PEX5: variants seen among roughly 807,000 people sequenced by gnomAD.
PEX5 encodes the protein PTS1 receptor.
PEX5 carries 52 observed loss-of-function variants against 82.9 expected under a neutral mutation model. The observed-to-expected ratio is 0.63, with a 90% CI of 0.50 to 0.79. The LOEUF (loss-of-function observed/expected upper bound fraction) is 0.79, where lower values mean the gene tolerates loss of function less well. Ranked by LOEUF, PEX5 falls within the 30% of genes least tolerant of loss-of-function variation. The probability of loss-of-function intolerance (pLI) is 0.00; values close to 1 mark genes in which losing one functional copy is unlikely to be tolerated. For missense variants in PEX5, 719 were observed against 815.2 expected (o/e 0.88, Z 1.44); for synonymous variants, 300 against 318.8 (o/e 0.94, Z 0.63).
chr12:7,218,231 A>G (rs1945834720), intron 17 of PEX5, among the ~76,000 whole-genome samples: 1 of 152,190 alleles, frequency 6.6e-6, no homozygotes, highest in Non-Finnish European at 1.5e-5. Context: ...ATAGATGCTT[A>G]ATGGTCTTTC....
chr12:7,208,723 G>C (rs1365093738), intron 13 of PEX5, 54 bp downstream of exon 13: 1 of 1,466,170 alleles, frequency 6.8e-7, no homozygotes, highest in Non-Finnish European at 9.6e-7. Flanking sequence ...AGTCCCAGTA[G>C]GAGGGTGACC....
Position 7,202,270 on chromosome 12 carries a change from A to G in PEX5, c.672A>G (p.Glu224=). The G allele has an allele frequency of 6.2e-7, 1 of 1,614,042 alleles. No individual in the cohort carries two copies. Among genetic ancestry groups the G allele is most frequent in the Middle Eastern group, 1.6e-4 (1 of 6,062 alleles). Residue 224 remains glutamate, a synonymous_variant, in exon 8 of 16, where the codon GAA becomes GAG. Transcript: ENST00000675855. Reference sequence around the variant, plus strand: ...TGAAATTCGTGCGGCAGATTGGCGAAGGGCAGGTGTCCCTGGAGTCCGGTG... The same window carrying G: ...TGAAATTCGTGCGGCAGATTGGCGAGGGGCAGGTGTCCCTGGAGTCCGGTG... The part of the protein sequence containing the change: ...EFLKFVRQIG[E]GQVSLESGAG...
upstream of PEX5, chr12:7,189,102 C>T (rs1940420936): frequency 2.6e-5 from 4 of 152,102 alleles, no homozygotes; most frequent in Admixed American, 2.0e-4. Context: ...CTATTTTCCC[C>T]ATTATGCAGA....
Position 7,189,729 on chromosome 12 carries a change from T to G in PEX5, c.-38T>G. ...AGCCAGCACCTGGTGCCCCGGCGGG[T>G]CGTGCGGCGCGGCGCTCCGCGGTGA... On this transcript the variant is annotated 5_prime_UTR_variant, in exon 1 of 16. Transcript: ENST00000675855. 1.4e-5 allele frequency: 5 copies of G among 362,076 alleles called. No homozygotes were observed. Among genetic ancestry groups the G allele is most frequent in the African/African-American group, 2.2e-5 (1 of 46,096 alleles). 22.4% of individuals were successfully genotyped at this position (362,076 alleles called of 1,614,324 possible). A position where few individuals can be genotyped will look rare whatever the true frequency, so the allele number is the denominator to read the frequency against.
rs267608194 is a variant in PEX5, at chr12:7,202,684, C to G, written c.826C>G (p.Arg276Gly). The part of the protein sequence containing the change: ...NTSALDMEFE[R>G]AKSAIESDVD... ...ATCTGCCCTTGATATGGAGTTTGAA[C>G]GAGCCAAGTCAGCTATAGAGGTGAG... The change falls in exon 9 of 16, where the codon CGA becomes GGA. Residue 276 changes from arginine to glycine, a missense_variant. Physicochemically the swap from Arg to Gly is moderately radical, Grantham distance 125 (BLOSUM62 -2). Transcript: ENST00000675855. The G allele has an allele frequency of 6.2e-7, 1 of 1,613,538 alleles. No individual in the cohort carries two copies. Among genetic ancestry groups the G allele is most frequent in the Non-Finnish European group, 8.5e-7 (1 of 1,179,668 alleles).
intron 11 of PEX5, 78 bp downstream of exon 11, chr12:7,207,880 A>G (rs1945012991): frequency 5.7e-6 from 9 of 1,566,558 alleles, no homozygotes; most frequent in Admixed American, 5.0e-5. Context: ...AGAGTAGTGC[A>G]GATGGGTTAG....
intron 5 of PEX5, among the ~76,000 whole-genome samples, chr12:7,192,054 T>C (rs1941241947): frequency 6.6e-6 from 1 of 152,164 alleles, no homozygotes; most frequent in Admixed American, 6.5e-5. Flanking sequence ...CTTAAGTTAT[T>C]TGGAACAGAA....
At chr12:7,199,968 C>CG (rs1485291214) in intron 6 of PEX5, among the ~76,000 whole-genome samples, 3 of 112,626 alleles carry the variant, frequency 2.7e-5, no homozygotes, top group Admixed American at 9.0e-5. Flanking sequence ...GCTGGCCGGG[C>CG]GGGGGGCTGA....
Position 7,190,003 on chromosome 12 carries a change from C to T in PEX5, c.-17+253C>T, listed in dbSNP as rs1007985622. On this transcript the variant is annotated intron_variant, in intron 1 of 15. Transcript: ENST00000675855. Reference sequence around the variant, plus strand: ...TAGGTATGGTCGGGCTGTTTTCCCACTGTCCCTTCTTCGGGCAGTGTCGCC... The same window carrying T: ...TAGGTATGGTCGGGCTGTTTTCCCATTGTCCCTTCTTCGGGCAGTGTCGCC... The T allele has an allele frequency of 1.7e-5, 25 of 1,504,632 alleles. No homozygotes were observed. The Middle Eastern group carries it at 5.1e-4, about 31-fold the overall frequency. 93.2% of individuals were successfully genotyped at this position (1,504,632 alleles called of 1,614,324 possible).
In PEX5 at chr12:7,209,766, C is replaced by T. The variant is rs920189030; in HGVS notation, c.1644C>T (p.Ala548=). ...AAGCAGTAGCTGCGTACCGCCGGGCCCTCGAGCTCCAGCCTGGCTATATCC... is the reference window on the plus strand; with the variant it reads ...AAGCAGTAGCTGCGTACCGCCGGGCTCTCGAGCTCCAGCCTGGCTATATCC... The part of the protein sequence containing the change: ...SEEAVAAYRR[A]LELQPGYIRS... Residue 548 remains alanine (A), a synonymous_variant, in exon 15 of 16, where the codon GCC becomes GCT. Transcript: ENST00000675855. 2.5e-6 allele frequency: 4 copies of T among 1,610,560 alleles called. No homozygotes were observed. The African/African-American group carries it at 4.1e-5, about 16-fold the overall frequency.
intron 1 of PEX5, chr12:7,190,012 C>T (rs1040873966): frequency 2.0e-6 from 3 of 1,504,498 alleles, no homozygotes; most frequent in East Asian, 2.5e-5. Context: ...ACTGTCCCTT[C>T]TTCGGGCAGT....
At chr12:7,197,788 C>G (rs1307552802) in intron 5 of PEX5, among the ~76,000 whole-genome samples, 2 of 152,064 alleles carry the variant, frequency 1.3e-5, no homozygotes, top group Non-Finnish European at 2.9e-5. Flanking sequence ...CTGCTAGTAT[C>G]AGCTAATATT....
At chr12:7,204,725 G>A (rs1253125493) in intron 10 of PEX5, among the ~76,000 whole-genome samples, 1 of 152,132 alleles carries the variant, frequency 6.6e-6, no homozygotes, top group Non-Finnish European at 1.5e-5. Flanking sequence ...AAATGTCCAT[G>A]CTTTTCATAC....
At chr12:7,194,189 A>G (rs1008782735) in intron 5 of PEX5, among the ~76,000 whole-genome samples, 10 of 152,214 alleles carry the variant, frequency 6.6e-5, no homozygotes, top group African/African-American at 2.4e-4. Flanking sequence ...AAAGAAGGTT[A>G]TACTTTTTAA....
chr12:7,208,720 G>C, intron 13 of PEX5, 51 bp downstream of exon 13: 1 of 1,473,650 alleles, frequency 6.8e-7, no homozygotes, highest in Non-Finnish European at 9.5e-7. Context: ...CTAAGTCCCA[G>C]TAGGAGGGTG....
intron 6 of PEX5, among the ~76,000 whole-genome samples, chr12:7,201,240 T>C (rs1565700979): frequency 6.6e-6 from 1 of 152,112 alleles, no homozygotes; most frequent in African/African-American, 2.4e-5. Flanking sequence ...TATACATATG[T>C]AAACATGTAG....
At chr12:7,216,573 A>AT (rs11430619) in intron 17 of PEX5, among the ~76,000 whole-genome samples, 64,796 of 151,976 alleles carry the variant, frequency 0.43, 15,355 homozygotes, top group Admixed American at 0.61. Context: ...CATAACTTCT[A>AT]TTTTTTGTTT....
chr12:7,193,959 T>G (rs1486684003), intron 5 of PEX5, among the ~76,000 whole-genome samples: 1 of 152,230 alleles, frequency 6.6e-6, no homozygotes, highest in Non-Finnish European at 1.5e-5. Flanking sequence ...AAGTCTGCCT[T>G]CATAAAAATG....
chr12:7,204,838 C>T (rs1179700684), intron 10 of PEX5, among the ~76,000 whole-genome samples: 3 of 150,484 alleles, frequency 2.0e-5, no homozygotes, highest in Non-Finnish European at 4.4e-5. Flanking sequence ...TTTTTTCAGA[C>T]ACATAGAACA....
Sources: gnomAD v4.1 joint callset for allele counts (sites outside exome capture counted in the v4.1 genomes callset) on GRCh38, gnomAD v4.1.1 for gene constraint, MANE v1.5 for transcripts, NCBI Gene and HGNC (gene_info 2026-07-23, HGNC 2026-07-21) for gene names.